Variants in SIPA1L1 observed in about 807,000 individuals in gnomAD.
The protein encoded by SIPA1L1 is signal induced proliferation associated 1 like 1.
SIPA1L1 carries 26 observed loss-of-function variants against 162.7 expected under a neutral mutation model. The ratio of observed to expected loss-of-function variants is 0.16; its 90% confidence interval spans 0.12 to 0.22. The LOEUF (loss-of-function observed/expected upper bound fraction) is 0.22. SIPA1L1 is among the 10% of genes least tolerant of loss of function. The pLI is 1.00. For missense variants in SIPA1L1, 1,874 were observed against 2,241.0 expected (o/e 0.84, Z 3.31); for synonymous variants, 829 against 837.4 (o/e 0.99, Z 0.17).
intron 12 of SIPA1L1, among the ~76,000 whole-genome samples, chr14:71,684,888 G>A (rs891126861): frequency 2.7e-5 from 4 of 150,384 alleles, no homozygotes; most frequent in Non-Finnish European, 5.9e-5. Context: ...GAAGCTGCTC[G>A]TTCACCCTTT....
At chr14:71,664,751 C>T (rs2043847040) in intron 10 of SIPA1L1, among the ~76,000 whole-genome samples, 1 of 152,294 alleles carries the variant, frequency 6.6e-6, no homozygotes, top group East Asian at 1.9e-4. Flanking sequence ...TATTTACTTA[C>T]ACCTACCTGG....
intron 2 of SIPA1L1, among the ~76,000 whole-genome samples, chr14:71,438,556 T>C (rs549695782): frequency 6.6e-6 from 1 of 152,322 alleles, no homozygotes; most frequent in South Asian, 2.1e-4. Flanking sequence ...TCCAGAGGAT[T>C]CAACAGTATA....
At chr14:71,624,860 T>C (rs2039814677) in intron 7 of SIPA1L1, among the ~76,000 whole-genome samples, 1 of 152,192 alleles carries the variant, frequency 6.6e-6, no homozygotes, top group Non-Finnish European at 1.5e-5. Context: ...ACCAAAGATA[T>C]ATTCTAGCCA....
At chr14:71,384,035 T>C (rs1175716567) in intron 2 of SIPA1L1, among the ~76,000 whole-genome samples, 1 of 152,212 alleles carries the variant, frequency 6.6e-6, no homozygotes, top group Non-Finnish European at 1.5e-5. Context: ...CTGGTTCTTT[T>C]CATATAGGGT....
intron 2 of SIPA1L1, among the ~76,000 whole-genome samples, chr14:71,500,292 ACACT>A (rs1313255192): frequency 6.6e-6 from 1 of 152,214 alleles, no homozygotes; most frequent in African/African-American, 2.4e-5. Flanking sequence ...TAAAAGCGTG[ACACT>A]CCCTCCCTCT....
At chr14:71,412,334 G>C (rs952524465) in intron 2 of SIPA1L1, among the ~76,000 whole-genome samples, 1 of 152,160 alleles carries the variant, frequency 6.6e-6, no homozygotes, top group African/African-American at 2.4e-5. Context: ...ATCAGCTATC[G>C]TTAGTGTATT....
At chr14:71,615,627 G>A (rs899308427) in intron 5 of SIPA1L1, among the ~76,000 whole-genome samples, 6 of 152,156 alleles carry the variant, frequency 3.9e-5, no homozygotes, top group African/African-American at 1.4e-4. Flanking sequence ...ACTGGACGGG[G>A]AGCTATATAG....
At chr14:71,435,406 A>G (rs939419934) in intron 2 of SIPA1L1, among the ~76,000 whole-genome samples, 9 of 151,932 alleles carry the variant, frequency 5.9e-5, no homozygotes, top group Non-Finnish European at 1.2e-4. Flanking sequence ...ATTCCCACCT[A>G]TGAGTGAGAA....
intron 2 of SIPA1L1, among the ~76,000 whole-genome samples, chr14:71,435,246 T>A (rs1428429299): frequency 6.6e-6 from 1 of 152,148 alleles, no homozygotes; most frequent in Non-Finnish European, 1.5e-5. Flanking sequence ...TACATATATA[T>A]ACATGCGCCA....
At chr14:71,720,805 A>G (rs974076260) in intron 17 of SIPA1L1, among the ~76,000 whole-genome samples, 5 of 151,996 alleles carry the variant, frequency 3.3e-5, no homozygotes, top group African/African-American at 7.3e-5. Flanking sequence ...TACTATTTCA[A>G]TCTCTTTGAT....
intron 2 of SIPA1L1, among the ~76,000 whole-genome samples, chr14:71,439,950 A>G (rs994486971): frequency 6.6e-6 from 1 of 152,212 alleles, no homozygotes; most frequent in African/African-American, 2.4e-5. Context: ...AATTCCTGTT[A>G]TACGGGAAGA....
chr14:71,501,642 T>TA (rs1246151064), intron 2 of SIPA1L1, among the ~76,000 whole-genome samples: 5 of 152,186 alleles, frequency 3.3e-5, no homozygotes, highest in Admixed American at 6.5e-5. Context: ...GAGTAGTAGT[T>TA]ACAGTGGTCG....
intron 12 of SIPA1L1, among the ~76,000 whole-genome samples, chr14:71,679,859 G>T (rs2045620078): frequency 1.3e-5 from 2 of 152,136 alleles, no homozygotes; most frequent in African/African-American, 4.8e-5. Flanking sequence ...ATGGTAAAGG[G>T]ATCAATTTAA....
intron 2 of SIPA1L1, among the ~76,000 whole-genome samples, chr14:71,433,622 C>G (rs928281943): frequency 6.6e-6 from 1 of 152,220 alleles, no homozygotes; most frequent in East Asian, 1.9e-4. Flanking sequence ...TAGTGCTTGT[C>G]TGGACATTCT....
intron 2 of SIPA1L1, among the ~76,000 whole-genome samples, chr14:71,408,666 T>C (rs998896659): frequency 6.6e-6 from 1 of 152,134 alleles, no homozygotes; most frequent in African/African-American, 2.4e-5. Context: ...CCCCCCTGGT[T>C]TTGGAACTAC....
At chr14:71,424,944 G>A (rs1423106324) in intron 2 of SIPA1L1, among the ~76,000 whole-genome samples, 2 of 151,904 alleles carry the variant, frequency 1.3e-5, no homozygotes, top group Non-Finnish European at 2.9e-5. Context: ...CTCTGTACTA[G>A]TTATATCTCT....
intron 2 of SIPA1L1, among the ~76,000 whole-genome samples, chr14:71,353,796 A>G (rs1008238963): frequency 3.9e-5 from 6 of 151,990 alleles, no homozygotes; most frequent in African/African-American, 1.2e-4. Flanking sequence ...TTATTTTAGT[A>G]TTTATTTTTA....
intron 2 of SIPA1L1, among the ~76,000 whole-genome samples, chr14:71,327,322 G>A (rs1457198130): frequency 2.0e-5 from 3 of 152,186 alleles, no homozygotes; most frequent in Non-Finnish European, 4.4e-5. Flanking sequence ...GACTTCAGGT[G>A]ATCCGCCCGC....
At chr14:71,541,388 T>C (rs138473409) in intron 4 of SIPA1L1, among the ~76,000 whole-genome samples, 221 of 152,308 alleles carry the variant, frequency 1.5e-3, no homozygotes, top group Non-Finnish European at 2.9e-3. Flanking sequence ...CCCAAATGCA[T>C]AGTTACTTGT....
Sources: gnomAD v4.1 joint callset for allele counts (sites outside exome capture counted in the v4.1 genomes callset) on GRCh38, gnomAD v4.1.1 for gene constraint, MANE v1.5 for transcripts, NCBI Gene and HGNC (gene_info 2026-07-23, HGNC 2026-07-21) for gene names.